SLC9C1: variants seen among roughly 807,000 people sequenced by gnomAD.
The protein encoded by SLC9C1 is solute carrier family 9 member C1.
SLC9C1 carries 97 observed loss-of-function variants against 140.9 expected under a neutral mutation model. The ratio of observed to expected loss-of-function variants is 0.69; its 90% CI spans 0.58 to 0.82. SLC9C1 has a LOEUF of 0.82. SLC9C1 is among the 40% of genes least tolerant of loss of function. The probability of loss-of-function intolerance (pLI) is 0.00; values close to 1 mark genes in which losing one functional copy is unlikely to be tolerated. For synonymous variants in SLC9C1, 440 were observed against 442.6 expected (o/e 0.99, Z 0.07); for missense variants, 1,340 against 1,389.3 (o/e 0.96, Z 0.56).
At chr3:112,262,360 T>C (rs1309968842) in intron 10 of SLC9C1, among the ~76,000 whole-genome samples, 3 of 151,928 alleles carry the variant, frequency 2.0e-5, no homozygotes, top group Admixed American at 2.0e-4. Flanking sequence ...CTTTTTACAT[T>C]TGGAATTTTT....
intron 13 of SLC9C1, among the ~76,000 whole-genome samples, chr3:112,229,140 G>A (rs980305151): frequency 3.3e-5 from 5 of 152,214 alleles, no homozygotes; most frequent in Admixed American, 3.3e-4. Flanking sequence ...CATAGAAGTA[G>A]AGTAGAATAG....
At chr3:112,197,703 TC>T (rs1316762819) in intron 20 of SLC9C1, among the ~76,000 whole-genome samples, 2 of 152,182 alleles carry the variant, frequency 1.3e-5, no homozygotes, top group African/African-American at 4.8e-5. Context: ...TTCTGAAACT[TC>T]CTACTCTGTT....
chr3:112,169,240 A>C lies in SLC9C1; in HGVS notation c.3008T>G (p.Leu1003Arg), dbSNP rs2077199229. The change falls in exon 24 of 29, where the codon CTC becomes CGC. Residue 1003 changes from leucine (L) to arginine (R), a missense_variant. Coordinates refer to ENST00000305815, the MANE Select transcript of SLC9C1 (RefSeq NM_183061.3). ...IKQKMWLKLG[L>R]AITARKIREH... Reference sequence around the variant, plus strand: ...TCTGATTTTTCTGGCTGTAATAGCGAGTCCAAGTTTTAGCCACATTTTTTG... The same window carrying C: ...TCTGATTTTTCTGGCTGTAATAGCGCGTCCAAGTTTTAGCCACATTTTTTG... 2.5e-6 allele frequency: 4 copies of C among 1,613,674 alleles called. No individual in the cohort carries two copies. Among genetic ancestry groups the C allele is most frequent in the Admixed American group, 1.7e-5 (1 of 60,002 alleles).
At chr3:112,188,022 A>G (rs1382306023) in intron 20 of SLC9C1, among the ~76,000 whole-genome samples, 2 of 151,908 alleles carry the variant, frequency 1.3e-5, no homozygotes, top group Non-Finnish European at 2.9e-5. Context: ...TTCCACATCT[A>G]TTTACATATG....
chr3:112,249,292 A>C (rs946868259), intron 10 of SLC9C1, among the ~76,000 whole-genome samples: 1 of 151,258 alleles, frequency 6.6e-6, no homozygotes, highest in African/African-American at 2.4e-5. Context: ...CATCCAAAGG[A>C]TAAAGCCTAC....
chr3:112,266,104 G>A, intron 8 of SLC9C1, 134 bp downstream of exon 8: 1 of 646,124 alleles, frequency 1.5e-6, no homozygotes, highest in Non-Finnish European at 2.6e-6. Flanking sequence ...ATAAAATCTA[G>A]GAAAGGTTTT....
chr3:112,166,332 A>G (rs1329927400), intron 26 of SLC9C1, among the ~76,000 whole-genome samples: 1 of 152,222 alleles, frequency 6.6e-6, no homozygotes, highest in African/African-American at 2.4e-5. Context: ...TCAGTTGGAA[A>G]TGCAGAAATC....
At chr3:112,202,183 A>C (rs1247376456) in intron 18 of SLC9C1, 67 bp downstream of exon 18, 1 of 1,566,960 alleles carries the variant, frequency 6.4e-7, no homozygotes, top group Non-Finnish European at 8.7e-7. Flanking sequence ...ATGAACAGAA[A>C]AAAATGATGG....
intron 28 of SLC9C1, among the ~76,000 whole-genome samples, chr3:112,149,301 GTC>G (rs1473246264): frequency 6.6e-6 from 1 of 151,484 alleles, no homozygotes; most frequent in Non-Finnish European, 1.5e-5. Flanking sequence ...GTTGAAACAG[GTC>G]AGTGGGTACT....
At chr3:112,179,744 A>C in intron 22 of SLC9C1, 43 bp from the exon 23 acceptor site, 2 of 1,503,832 alleles carry the variant, frequency 1.3e-6, no homozygotes, top group Non-Finnish European at 1.8e-6. Context: ...ATGCCAGTTA[A>C]CTTGTATTAC....
intron 20 of SLC9C1, among the ~76,000 whole-genome samples, chr3:112,196,939 TG>T (rs2077781636): frequency 6.9e-6 from 1 of 145,748 alleles, no homozygotes; most frequent in Non-Finnish European, 1.5e-5. Context: ...TGCCAGTTTT[TG>T]TGTATGCCTT....
At chr3:112,249,068 T>G (rs1478730205) in intron 10 of SLC9C1, among the ~76,000 whole-genome samples, 10 of 152,152 alleles carry the variant, frequency 6.6e-5, no homozygotes, top group Admixed American at 6.6e-4. Context: ...TGATTCTGTA[T>G]GATGTTGGTT....
rs1263288731 is a variant in SLC9C1 at position 112,217,645 on chromosome 3, T to G, written c.1671-84A>C. On this transcript the variant is annotated intron_variant, in intron 14 of 28. Coordinates refer to ENST00000305815, the MANE Select transcript of SLC9C1 (RefSeq NM_183061.3). Reference sequence around the variant, plus strand: ...TGTACTGGAAGTTTAATGTTGTACATAAGTTTAATTTTGCACAAAACAGGA... The same window carrying G: ...TGTACTGGAAGTTTAATGTTGTACAGAAGTTTAATTTTGCACAAAACAGGA... The G allele has an allele frequency of 2.4e-6, 3 of 1,230,558 alleles. No individual in the cohort carries two copies. In the East Asian group the frequency reaches 7.8e-5, roughly 32 times the overall value. 76.2% of individuals were successfully genotyped at this position (1,230,558 alleles called of 1,614,324 possible). A position where few individuals can be genotyped will look rare whatever the true frequency, so the allele number is the denominator to read the frequency against.
intron 12 of SLC9C1, 48 bp from the exon 13 acceptor site, chr3:112,231,534 T>A: frequency 2.0e-6 from 3 of 1,530,790 alleles, no homozygotes; most frequent in Non-Finnish European, 2.6e-6. Flanking sequence ...AATATTAACA[T>A]ATTGTTTAGC....
chr3:112,185,511 G>A, intron 20 of SLC9C1: 1 of 1,612,310 alleles, frequency 6.2e-7, no homozygotes, highest in Middle Eastern at 2.0e-4. Flanking sequence ...TCCTTTTTCA[G>A]GTACAAAGAC....
At chr3:112,193,171 G>C (rs549909383) in intron 20 of SLC9C1, among the ~76,000 whole-genome samples, 1 of 152,228 alleles carries the variant, frequency 6.6e-6, no homozygotes, top group East Asian at 1.9e-4. Context: ...CCATGGCTTT[G>C]CCAGGTATAG....
chr3:112,205,742 A>C (rs2108052529), intron 16 of SLC9C1, among the ~76,000 whole-genome samples: 1 of 141,584 alleles, frequency 7.1e-6, no homozygotes, highest in East Asian at 2.1e-4. Context: ...GAGAAAAACA[A>C]GCAATGGGGA....
At chr3:112,202,151 G>A in intron 18 of SLC9C1, 99 bp downstream of exon 18, 1 of 1,293,452 alleles carries the variant, frequency 7.7e-7, no homozygotes, top group Non-Finnish European at 1.1e-6. Flanking sequence ...TAGAAAACCA[G>A]GAGTCAAAGA....
intron 2 of SLC9C1, among the ~76,000 whole-genome samples, chr3:112,283,877 G>A (rs116945302): frequency 3.3e-5 from 5 of 150,264 alleles, no homozygotes; most frequent in East Asian, 1.9e-4. Flanking sequence ...CATCATGATC[G>A]GTCGCCTATT....
Sources: allele counts gnomAD v4.1 joint callset (sites outside exome capture counted in the v4.1 genomes callset), GRCh38; gene constraint gnomAD v4.1.1; transcripts MANE v1.5; gene names NCBI Gene and HGNC (gene_info 2026-07-23, HGNC 2026-07-21).